The following CDK14 variants were observed in gnomAD, a reference collection of about 807,000 sequenced individuals.
The protein encoded by CDK14 is cyclin-dependent kinase 14.
CDK14 carries 34 observed loss-of-function variants against 60.7 expected under a neutral mutation model. The ratio of observed to expected loss-of-function variants is 0.56; its 90% CI spans 0.43 to 0.75. CDK14 has a LOEUF of 0.75. CDK14 is among the 30% of genes least tolerant of loss of function. CDK14 has a pLI of 0.00. For synonymous variants in CDK14, 197 were observed against 203.7 expected (o/e 0.97, Z 0.28); for missense variants, 482 against 564.1 (o/e 0.85, Z 1.47).
intron 7 of CDK14, among the ~76,000 whole-genome samples, chr7:90,913,216 A>C (rs1392615772): frequency 6.6e-6 from 1 of 152,212 alleles, no homozygotes; most frequent in Non-Finnish European, 1.5e-5. Flanking sequence ...GGACTTGCCT[A>C]TTTGTCTAGA....
intron 10 of CDK14, among the ~76,000 whole-genome samples, chr7:91,023,848 C>T (rs1033666404): frequency 3.3e-5 from 5 of 152,148 alleles, no homozygotes; most frequent in Non-Finnish European, 7.4e-5. Flanking sequence ...TCTTAGCTCA[C>T]GGCAACCTCC....
At chr7:90,809,120 C>T (rs935144616) in intron 5 of CDK14, among the ~76,000 whole-genome samples, 6 of 152,128 alleles carry the variant, frequency 3.9e-5, no homozygotes, top group Admixed American at 2.0e-4. Flanking sequence ...ACCAAGTGGA[C>T]CTAATAGACA....
At chr7:90,693,748 A>T (rs562131270) in intron 2 of CDK14, among the ~76,000 whole-genome samples, 85 of 152,104 alleles carry the variant, frequency 5.6e-4, no homozygotes, top group Non-Finnish European at 1.0e-3. Flanking sequence ...TGCTCTGTGT[A>T]TTTATATTCT....
intron 10 of CDK14, among the ~76,000 whole-genome samples, chr7:90,995,735 GTTTT>G (rs796973293): frequency 2.0e-5 from 3 of 152,046 alleles, no homozygotes; most frequent in African/African-American, 7.2e-5. Flanking sequence ...AGAATACTCT[GTTTT>G]GTCTTTTTGT....
At chr7:90,676,553 G>A (rs1801202392) in intron 2 of CDK14, among the ~76,000 whole-genome samples, 1 of 141,498 alleles carries the variant, frequency 7.1e-6, no homozygotes, top group Non-Finnish European at 1.5e-5. Flanking sequence ...TTTTTTTTGA[G>A]CCAGGGTCTC....
At chr7:90,844,653 G>A (rs1370039498) in intron 5 of CDK14, among the ~76,000 whole-genome samples, 1 of 152,140 alleles carries the variant, frequency 6.6e-6, no homozygotes, top group African/African-American at 2.4e-5. Flanking sequence ...CTCCAGATCT[G>A]TTGTTCATGT....
intron 2 of CDK14, among the ~76,000 whole-genome samples, chr7:90,721,825 A>G (rs145908905): frequency 0.013 from 1,970 of 152,192 alleles, 9 homozygotes; most frequent in Middle Eastern, 0.02. Flanking sequence ...TTTTTTTAAT[A>G]TATGAGGTTT....
At chr7:90,928,708 T>A (rs1405270209) in intron 8 of CDK14, among the ~76,000 whole-genome samples, 3 of 152,182 alleles carry the variant, frequency 2.0e-5, no homozygotes, top group African/African-American at 7.2e-5. Flanking sequence ...CGTTCTCAGA[T>A]CTCCAGCTGC....
rs144974721 is a variant in CDK14 at position 91,155,935 on chromosome 7, A to G, written c.*28+37727A>G. On this transcript the variant is annotated intron_variant, in intron 14 of 14. Transcript: ENST00000380050. ...AAAACTAAGTTTTGACCCCTAATTC[A>G]CTTGCTGGGTAAAACCTGGAAAGAC... Among the ~76,000 whole-genome samples the G allele has an allele frequency of 2.4e-3, 372 of 152,350 alleles. 1 individual carries two copies. The highest frequency in any genetic ancestry group is 8.5e-3 in the African/African-American group (355 of 41,584).
At chr7:91,018,337 A>G (rs1250435218) in intron 10 of CDK14, among the ~76,000 whole-genome samples, 1 of 152,228 alleles carries the variant, frequency 6.6e-6, no homozygotes, top group Non-Finnish European at 1.5e-5. Flanking sequence ...TTGCCATAAC[A>G]AAATACCATA....
intron 10 of CDK14, among the ~76,000 whole-genome samples, chr7:90,991,657 G>A (rs2115692574): frequency 6.6e-6 from 1 of 152,280 alleles, no homozygotes; most frequent in African/African-American, 2.4e-5. Context: ...TATGTGCCCA[G>A]TAAATGCTTT....
chr7:91,181,301 C>T (rs535776050), intron 14 of CDK14, among the ~76,000 whole-genome samples: 8 of 152,242 alleles, frequency 5.3e-5, no homozygotes, highest in Non-Finnish European at 8.8e-5. Flanking sequence ...GAGTTTCCCA[C>T]AGTCAGTTTT....
chr7:91,193,037 G>A (rs1415298501), intron 14 of CDK14, among the ~76,000 whole-genome samples: 2 of 152,150 alleles, frequency 1.3e-5, no homozygotes, highest in African/African-American at 4.8e-5. Context: ...ATGGGGCAGT[G>A]TAGGAAATCA....
chr7:90,781,474 G>T (rs1282371935), intron 4 of CDK14, among the ~76,000 whole-genome samples: 2 of 150,236 alleles, frequency 1.3e-5, no homozygotes, highest in Non-Finnish European at 3.0e-5. Context: ...TGGTGTTTTA[G>T]ACATGAAGTC....
chr7:90,938,230 A>G (rs1325120564), intron 8 of CDK14, among the ~76,000 whole-genome samples: 1 of 152,254 alleles, frequency 6.6e-6, no homozygotes, highest in Non-Finnish European at 1.5e-5. Context: ...CCTTTCTTAA[A>G]TGAATAATCC....
At chr7:90,641,121 A>G (rs1800317801) in intron 2 of CDK14, among the ~76,000 whole-genome samples, 1 of 148,604 alleles carries the variant, frequency 6.7e-6, no homozygotes, top group African/African-American at 2.5e-5. Context: ...AACAAAAACA[A>G]AAACAGGTAA....
At chr7:90,944,302 A>G (rs1794031172) in intron 8 of CDK14, among the ~76,000 whole-genome samples, 2 of 152,214 alleles carry the variant, frequency 1.3e-5, no homozygotes, top group Admixed American at 6.5e-5. Context: ...GGGATGACAC[A>G]CAAGTGCGAT....
chr7:91,117,675 G>C (rs1195654774), intron 13 of CDK14, among the ~76,000 whole-genome samples: 1 of 152,066 alleles, frequency 6.6e-6, no homozygotes, highest in Non-Finnish European at 1.5e-5. Context: ...ATAACAACAG[G>C]GATTTCCTTT....
At chr7:91,115,995 C>G (rs1018349416) in intron 13 of CDK14, among the ~76,000 whole-genome samples, 1 of 152,114 alleles carries the variant, frequency 6.6e-6, no homozygotes, top group Non-Finnish European at 1.5e-5. Context: ...GCTGTTAAAG[C>G]TGGCTAATTC....
Sources: gnomAD v4.1 joint callset for allele counts (sites outside exome capture counted in the v4.1 genomes callset) on GRCh38, gnomAD v4.1.1 for gene constraint, MANE v1.5 for transcripts, NCBI Gene and HGNC (gene_info 2026-07-23, HGNC 2026-07-21) for gene names.